The following CCSER1 variants were observed in gnomAD, a reference collection of about 807,000 sequenced individuals.
CCSER1 encodes coiled-coil serine rich protein 1, also known as serine-rich coiled-coil domain-containing protein 1.
CCSER1 carries 41 observed loss-of-function variants against 82.0 expected under a neutral mutation model. The ratio of observed to expected loss-of-function variants is 0.50; its 90% CI spans 0.39 to 0.65. CCSER1 has a LOEUF of 0.65. Ranked by LOEUF, CCSER1 falls within the 30% of genes least tolerant of loss-of-function variation. The probability of loss-of-function intolerance (pLI) is 0.00; values close to 1 mark genes in which losing one functional copy is unlikely to be tolerated. For synonymous variants in CCSER1, 414 were observed against 383.9 expected, an observed-to-expected ratio of 1.08 and a Z score of -0.92; for missense variants, 1,119 against 1,064.2, an observed-to-expected ratio of 1.05 and a Z score of -0.72.
At chr4:91,437,235 T>C (rs976925796) in intron 10 of CCSER1, among the ~76,000 whole-genome samples, 5 of 152,230 alleles carry the variant, frequency 3.3e-5, no homozygotes, top group African/African-American at 1.2e-4. Flanking sequence ...TACTAGGGTA[T>C]TGACTAGGGA....
At chr4:90,311,172 A>G (rs1324609238) in intron 2 of CCSER1, among the ~76,000 whole-genome samples, 1 of 152,140 alleles carries the variant, frequency 6.6e-6, no homozygotes, top group Admixed American at 6.6e-5. Context: ...ATAGGGTCAC[A>G]TAGTTAGCAA....
At chr4:90,627,002 A>C (rs1372098445) in intron 5 of CCSER1, among the ~76,000 whole-genome samples, 10 of 152,210 alleles carry the variant, frequency 6.6e-5, no homozygotes, top group Non-Finnish European at 1.3e-4. Context: ...GAAGTTGTTC[A>C]AAGTTTGAAT....
intron 1 of CCSER1, among the ~76,000 whole-genome samples, chr4:90,217,720 T>C (rs1741346532): frequency 6.6e-6 from 1 of 152,174 alleles, no homozygotes. Context: ...ACTATGATAT[T>C]GGCTGTGTGT....
chr4:90,654,060 G>A (rs558302744), intron 6 of CCSER1, among the ~76,000 whole-genome samples: 1 of 152,010 alleles, frequency 6.6e-6, no homozygotes, highest in Non-Finnish European at 1.5e-5. Context: ...ATTATCACAG[G>A]AACAGCAAGG....
intron 7 of CCSER1, among the ~76,000 whole-genome samples, chr4:90,769,533 T>G (rs1301471606): frequency 2.0e-5 from 3 of 152,176 alleles, no homozygotes; most frequent in Non-Finnish European, 4.4e-5. Flanking sequence ...GACTTCAGAA[T>G]TGTTATAGGC....
At chr4:91,543,112 T>C (rs1481912912) in intron 10 of CCSER1, among the ~76,000 whole-genome samples, 1 of 152,190 alleles carries the variant, frequency 6.6e-6, no homozygotes, top group Admixed American at 6.5e-5. Flanking sequence ...TATCAGAGAC[T>C]AGGATTGCAA....
At chr4:91,175,255 C>T (rs1733208114) in intron 10 of CCSER1, among the ~76,000 whole-genome samples, 1 of 152,126 alleles carries the variant, frequency 6.6e-6, no homozygotes, top group African/African-American at 2.4e-5. Flanking sequence ...CAGGTCTTTG[C>T]TATTGTGAAT....
rs145069769 is a variant in CCSER1, at chr4:90,186,393, T to C, written c.-42+58562T>C. On this transcript the variant is annotated intron_variant, in intron 1 of 10. Transcript: ENST00000509176. Reference sequence around the variant, plus strand: ...TAAGATGTTTAACCCTGGGTGACTTTTTGAACCCTGCTCTTAGTATCAAAA... The same window carrying C: ...TAAGATGTTTAACCCTGGGTGACTTCTTGAACCCTGCTCTTAGTATCAAAA... Among the ~76,000 whole-genome samples, 446 of 152,122 alleles carry C rather than the reference T, an allele frequency of 2.9e-3. 3 individuals are homozygous for C. Among genetic ancestry groups the C allele is most frequent in the African/African-American group, 0.01 (425 of 41,556 alleles).
intron 1 of CCSER1, among the ~76,000 whole-genome samples, chr4:90,279,258 TC>T (rs1297307943): frequency 2.0e-5 from 3 of 151,952 alleles, no homozygotes; most frequent in African/African-American, 7.2e-5. Flanking sequence ...TCTGCTGGAG[TC>T]TTGCATTCTG....
intron 10 of CCSER1, among the ~76,000 whole-genome samples, chr4:91,091,433 A>G (rs1257569318): frequency 6.6e-6 from 1 of 152,188 alleles, no homozygotes; most frequent in African/African-American, 2.4e-5. Flanking sequence ...AACAAAAAAA[A>G]TTGTCTTAAC....
intron 10 of CCSER1, among the ~76,000 whole-genome samples, chr4:91,195,908 G>A: frequency 6.6e-6 from 1 of 151,720 alleles, no homozygotes; most frequent in Non-Finnish European, 1.5e-5. Flanking sequence ...TTGCCATTAA[G>A]ACAAAGCCCC....
At chr4:91,445,544 T>G (rs866663866) in intron 10 of CCSER1, among the ~76,000 whole-genome samples, 2 of 152,128 alleles carry the variant, frequency 1.3e-5, no homozygotes, top group Non-Finnish European at 2.9e-5. Context: ...TTTTTGATTT[T>G]ATGAAAATGT....
chr4:90,820,559 G>A (rs534157768), intron 8 of CCSER1, among the ~76,000 whole-genome samples: 2 of 152,022 alleles, frequency 1.3e-5, no homozygotes, highest in Non-Finnish European at 2.9e-5. Context: ...AAGCCTTCAC[G>A]AGCTAAACAT....
intron 1 of CCSER1, among the ~76,000 whole-genome samples, chr4:90,219,722 A>C (rs1246586026): frequency 6.6e-6 from 1 of 152,132 alleles, no homozygotes; most frequent in Non-Finnish European, 1.5e-5. Flanking sequence ...AAGCATACTT[A>C]TTTTGTGAGA....
intron 9 of CCSER1, among the ~76,000 whole-genome samples, chr4:91,064,217 C>CA (rs1350131635): frequency 6.6e-6 from 1 of 152,014 alleles, no homozygotes; most frequent in African/African-American, 2.4e-5. Flanking sequence ...AGAAGATTGC[C>CA]AAAAGAAGTA....
intron 10 of CCSER1, among the ~76,000 whole-genome samples, chr4:91,515,877 T>G (rs2110127107): frequency 6.6e-6 from 1 of 151,950 alleles, no homozygotes; most frequent in East Asian, 1.9e-4. Flanking sequence ...TTTTTTTTTT[T>G]TTTTGACTTC....
chr4:90,488,384 C>T (rs1767459322), intron 5 of CCSER1, among the ~76,000 whole-genome samples: 1 of 152,026 alleles, frequency 6.6e-6, no homozygotes, highest in Non-Finnish European at 1.5e-5. Flanking sequence ...GATGGGGTTT[C>T]ACCATGTTGG....
intron 10 of CCSER1, among the ~76,000 whole-genome samples, chr4:91,545,028 T>A (rs1223424731): frequency 6.6e-6 from 1 of 151,990 alleles, no homozygotes. Flanking sequence ...TCAGCAATGG[T>A]GGATGCCCCT....
At chr4:91,126,504 CTTAT>C (rs1350539854) in intron 10 of CCSER1, among the ~76,000 whole-genome samples, 2 of 151,760 alleles carry the variant, frequency 1.3e-5, no homozygotes, top group Non-Finnish European at 2.9e-5. Context: ...ATTTCTGCAG[CTTAT>C]TTATCATAAA....
Sources: allele counts gnomAD v4.1 joint callset (sites outside exome capture counted in the v4.1 genomes callset), GRCh38; gene constraint gnomAD v4.1.1; transcripts MANE v1.5; gene names NCBI Gene and HGNC (gene_info 2026-07-23, HGNC 2026-07-21).